The following DAGLB variants were observed in gnomAD, a reference collection of about 807,000 sequenced individuals.
DAGLB encodes diacylglycerol lipase beta, also known as diacylglycerol lipase-beta.
Under a neutral mutation model 72.1 loss-of-function variants are expected in DAGLB, and 66 were observed. The ratio of observed to expected loss-of-function variants is 0.92; its 90% confidence interval spans 0.75 to 1.12. DAGLB has a LOEUF of 1.12. Ranked by LOEUF, DAGLB falls within the 50% of genes most tolerant of loss-of-function variation. The probability of loss-of-function intolerance (pLI) is 0.00; values close to 1 mark genes in which losing one functional copy is unlikely to be tolerated. For synonymous variants in DAGLB, 414 were observed against 359.5 expected (o/e 1.15, Z -1.71); for missense variants, 1,065 against 884.9 (o/e 1.20, Z -2.58).
At chr7:6,416,569 G>A in intron 11 of DAGLB, 58 bp downstream of exon 11, 1 of 1,540,532 alleles carries the variant, frequency 6.5e-7, no homozygotes, top group African/African-American at 1.4e-5. Context: ...AAAAAGATGA[G>A]TCTTGACCAC....
At chr7:6,432,696 AGGG>A in intron 5 of DAGLB, 138 bp downstream of exon 5, 1 of 599,634 alleles carries the variant, frequency 1.7e-6, no homozygotes, top group East Asian at 5.8e-5. Flanking sequence ...AGGGGAGGGA[AGGG>A]GAGGAGGGGG....
intron 9 of DAGLB, among the ~76,000 whole-genome samples, chr7:6,420,085 T>G (rs1396272281): frequency 6.6e-6 from 1 of 152,080 alleles, no homozygotes; most frequent in African/African-American, 2.4e-5. Flanking sequence ...AGATGGAGGC[T>G]GCAGTGAGCT....
At position 6,447,870 on chromosome 7, in the gene DAGLB, G is replaced by T. The variant is rs1249440744; in HGVS notation, c.-28C>A. The T allele has an allele frequency of 6.3e-7, 1 of 1,584,796 alleles. No homozygotes were observed. The highest frequency in any genetic ancestry group is 2.3e-5 in the East Asian group (1 of 43,806). On this transcript the variant is annotated 5_prime_UTR_variant, in exon 1 of 15. Coordinates refer to ENST00000297056, the MANE Select transcript of DAGLB (RefSeq NM_139179.4). ...CGAAGGTCCCGTAGCTCGCACTCAGGAGAGACCCCGCGCGCCGTTCACCGA... is the reference window on the plus strand; with the variant it reads ...CGAAGGTCCCGTAGCTCGCACTCAGTAGAGACCCCGCGCGCCGTTCACCGA...
In DAGLB at chr7:6,432,887, T is replaced by G; in HGVS notation, c.751A>C (p.Asn251His). ...ACCACCTGGGCAGGCTCTTGGTTGT[T>G]CCTGATATTGTCCTGTTGCTGATGA... ...LLHQQQDNIR[N>H]NQEPAQVVCH... Residue 251 changes from asparagine (N) to histidine (H), a missense_variant, in exon 5 of 15, where the codon AAC (asparagine) becomes CAC (histidine). Transcript: ENST00000297056. 1 of 1,613,918 alleles carries G rather than the reference T, an allele frequency of 6.2e-7. No individual in the cohort carries two copies. The highest frequency in any genetic ancestry group is 8.5e-7 in the Non-Finnish European group (1 of 1,180,008).
chr7:6,443,211 A>AAAAAC (rs1320475402), intron 2 of DAGLB, among the ~76,000 whole-genome samples: 2 of 149,858 alleles, frequency 1.3e-5, no homozygotes, highest in Non-Finnish European at 3.0e-5. Context: ...AAAAAACAAA[A>AAAAAC]AAAACAAAAC....
intron 9 of DAGLB, chr7:6,417,221 C>A: frequency 3.9e-6 from 1 of 254,172 alleles, no homozygotes; most frequent in Non-Finnish European, 7.6e-6. Context: ...ATAGTCTCTA[C>A]TAAAATAAAA....
At chr7:6,423,380 C>A (rs1784195141) in intron 8 of DAGLB, among the ~76,000 whole-genome samples, 1 of 152,124 alleles carries the variant, frequency 6.6e-6, no homozygotes, top group African/African-American at 2.4e-5. Context: ...TAGGCTGGGG[C>A]AGGAAGTTCA....
At chr7:6,447,063 T>G (rs1193822513) in intron 1 of DAGLB, among the ~76,000 whole-genome samples, 1 of 152,148 alleles carries the variant, frequency 6.6e-6, no homozygotes, top group African/African-American at 2.4e-5. Flanking sequence ...GGTCTCAAAC[T>G]CCTGCCCTCA....
intron 6 of DAGLB, among the ~76,000 whole-genome samples, chr7:6,428,332 A>AAAAAAG (rs1784376875): frequency 6.7e-6 from 1 of 150,344 alleles, no homozygotes; most frequent in African/African-American, 2.4e-5. Context: ...AAAAAAAAAA[A>AAAAAAG]AAAGAAAGAA....
intron 11 of DAGLB, among the ~76,000 whole-genome samples, chr7:6,414,400 C>T (rs1020317839): frequency 6.6e-6 from 1 of 151,406 alleles, no homozygotes; most frequent in Non-Finnish European, 1.5e-5. Context: ...GCAACCTCTT[C>T]ATCCTGGGTT....
chr7:6,430,662 A>G (rs1198708064), intron 5 of DAGLB, 55 bp from the exon 6 acceptor site: 1 of 1,458,804 alleles, frequency 6.9e-7, no homozygotes, highest in East Asian at 2.4e-5. Context: ...GACACAGAGG[A>G]TCAACACACT....
intron 13 of DAGLB, 187 bp downstream of exon 13, chr7:6,412,624 C>T: frequency 1.5e-6 from 1 of 666,200 alleles, no homozygotes; most frequent in East Asian, 2.8e-5. Flanking sequence ...CCCGCACTTG[C>T]TGCAGCCATT....
intron 6 of DAGLB, among the ~76,000 whole-genome samples, chr7:6,427,923 C>T (rs1479789174): frequency 2.0e-5 from 3 of 151,988 alleles, no homozygotes; most frequent in Non-Finnish European, 4.4e-5. Context: ...ACAAAATAAA[C>T]AGTCATAATT....
rs73676749 is a variant in DAGLB, at chr7:6,430,468, G to A, written c.929+12C>T. ...AAATATGGCTATGGAGGCTCAGACT[G>A]TGCCAACCCACCAGTCACCACCAAT... On this transcript the variant is annotated intron_variant, in intron 6 of 14. Coordinates refer to ENST00000297056, the MANE Select transcript of DAGLB (RefSeq NM_139179.4). 3,453 of 1,516,936 alleles carry A rather than the reference G, an allele frequency of 2.3e-3. 78 individuals are homozygous for A. In the African/African-American group the frequency reaches 0.044, roughly 19 times the overall value. The allele number at this position is 1,516,936 out of a possible 1,614,324, so 94.0% of individuals were successfully genotyped here.
chr7:6,445,463 T>C (rs551991183), intron 2 of DAGLB, among the ~76,000 whole-genome samples: 2 of 152,188 alleles, frequency 1.3e-5, no homozygotes, highest in South Asian at 4.2e-4. Context: ...TGCTTAGGGT[T>C]GGGAGAGTTT....
intron 13 of DAGLB, among the ~76,000 whole-genome samples, chr7:6,412,121 A>T (rs1428056794): frequency 6.6e-6 from 1 of 151,998 alleles, no homozygotes; most frequent in Non-Finnish European, 1.5e-5. Context: ...TGCCATGTCG[A>T]CCACTCTGGT....
At chr7:6,431,574 A>C (rs1158212379) in intron 5 of DAGLB, among the ~76,000 whole-genome samples, 2 of 152,012 alleles carry the variant, frequency 1.3e-5, no homozygotes, top group African/African-American at 2.4e-5. Flanking sequence ...GAGTTTGAGA[A>C]CAGCCTGGCC....
At position 6,426,200 on chromosome 7, in the gene DAGLB, C is replaced by T. The variant is rs1252165467; in HGVS notation, c.930-86G>A. 16 of 1,580,752 alleles carry T rather than the reference C, an allele frequency of 1.0e-5. No homozygotes were observed. In the South Asian group the frequency reaches 1.0e-4, roughly 10 times the overall value. ...CCTCACTGCCACATGTTCCCAGAGACGCGAGGACCAGAGCGGACAATTCTC... is the reference window on the plus strand; with the variant it reads ...CCTCACTGCCACATGTTCCCAGAGATGCGAGGACCAGAGCGGACAATTCTC... On this transcript the variant is annotated intron_variant, in intron 6 of 14. Coordinates refer to ENST00000297056, the MANE Select transcript of DAGLB (RefSeq NM_139179.4).
rs536805667 is a variant in DAGLB at position 6,442,945 on chromosome 7, G to A, written c.247+3008C>T. Among the ~76,000 whole-genome samples, 288 of 151,166 alleles carry A rather than the reference G, an allele frequency of 1.9e-3. 3 individuals are homozygous for A. The highest frequency in any genetic ancestry group is 6.5e-3 in the African/African-American group (267 of 41,156). ...TCCCAGCACTTTGGGAGGCTGAGGC[G>A]GGCGGATCACGAGGTCAAGAGATGG... is the stretch of plus-strand genomic sequence containing the variant. On this transcript the variant is annotated intron_variant, in intron 2 of 14. Transcript: ENST00000297056.
Sources: gnomAD v4.1 joint callset for allele counts (sites outside exome capture counted in the v4.1 genomes callset) on GRCh38, gnomAD v4.1.1 for gene constraint, MANE v1.5 for transcripts, NCBI Gene and HGNC (gene_info 2026-07-23, HGNC 2026-07-21) for gene names.